The following PDE4D variants were observed in gnomAD, a reference collection of about 807,000 sequenced individuals.
The protein encoded by PDE4D is phosphodiesterase 4D.
A neutral mutation model predicts 87.4 loss-of-function variants in PDE4D; 24 were observed. The ratio of observed to expected loss-of-function variants is 0.27; its 90% CI spans 0.20 to 0.39. The LOEUF is 0.39. Ranked by LOEUF, PDE4D falls within the 10% of genes least tolerant of loss-of-function variation. The pLI is 1.00. For synonymous variants in PDE4D, 384 were observed against 383.2 expected, an observed-to-expected ratio of 1.00 and a Z score of -0.02; for missense variants, 714 against 1,041.0, an observed-to-expected ratio of 0.69 and a Z score of 4.32.
At chr5:59,586,664 C>T (rs1561271623) in intron 1 of PDE4D, 1 of 985,340 alleles carries the variant, frequency 1.0e-6, no homozygotes, top group Non-Finnish European at 1.2e-6. Context: ...ACCAGTTCAA[C>T]TAATAATCCT....
chr5:59,400,710 G>A (rs1339175031), intron 1 of PDE4D, among the ~76,000 whole-genome samples: 1 of 145,252 alleles, frequency 6.9e-6, no homozygotes, highest in Admixed American at 6.9e-5. Flanking sequence ...ATGTGCACAT[G>A]TACCCTAAAA....
intron 1 of PDE4D, among the ~76,000 whole-genome samples, chr5:59,414,050 A>G (rs1562141634): frequency 6.6e-6 from 1 of 152,236 alleles, no homozygotes; most frequent in Non-Finnish European, 1.5e-5. Flanking sequence ...TAGCAATCCA[A>G]ATGACAACAA....
At chr5:59,664,058 G>GC (rs1182375615) in intron 1 of PDE4D, among the ~76,000 whole-genome samples, 2 of 152,086 alleles carry the variant, frequency 1.3e-5, no homozygotes, top group Non-Finnish European at 2.9e-5. Flanking sequence ...TTAGAAACAG[G>GC]CCTAATATTG....
chr5:59,663,408 T>C (rs1745570394), intron 1 of PDE4D, among the ~76,000 whole-genome samples: 1 of 152,114 alleles, frequency 6.6e-6, no homozygotes, highest in African/African-American at 2.4e-5. Flanking sequence ...TGACTTCAGG[T>C]GATCCGCTTG....
At chr5:59,491,465 G>GATACAATGCTAATTAAGTAGCTACATC in intron 1 of PDE4D, among the ~76,000 whole-genome samples, 1 of 152,274 alleles carries the variant, frequency 6.6e-6, no homozygotes, top group East Asian at 1.9e-4. Context: ...AGTGGTGATT[G>GATACAATGCTAATTAAGTAGCTACATC]ATACAATGCT....
chr5:59,394,620 T>C (rs915340858), intron 1 of PDE4D, among the ~76,000 whole-genome samples: 5 of 152,190 alleles, frequency 3.3e-5, no homozygotes, highest in Non-Finnish European at 5.9e-5. Flanking sequence ...TTTATTACTA[T>C]TGGTGAAAAT....
intron 1 of PDE4D, among the ~76,000 whole-genome samples, chr5:59,306,337 C>A (rs558673976): frequency 6.6e-6 from 1 of 152,280 alleles, no homozygotes; most frequent in East Asian, 1.9e-4. Flanking sequence ...GAGTTCTTAT[C>A]CATTCTGCAG....
chr5:59,994,178 T>G (rs1435793931), intron 2 of PDE4D, among the ~76,000 whole-genome samples: 1 of 151,948 alleles, frequency 6.6e-6, no homozygotes, highest in African/African-American at 2.4e-5. Flanking sequence ...TGCACATTAC[T>G]AGGGTTAAAT....
At chr5:59,705,631 T>A (rs1753274087) in intron 1 of PDE4D, among the ~76,000 whole-genome samples, 2 of 152,202 alleles carry the variant, frequency 1.3e-5, no homozygotes, top group Non-Finnish European at 2.9e-5. Context: ...CTTACTTAAA[T>A]TAAGAAGACC....
chr5:59,492,635 C>T (rs1421898435), intron 1 of PDE4D, among the ~76,000 whole-genome samples: 1 of 152,084 alleles, frequency 6.6e-6, no homozygotes, highest in Non-Finnish European at 1.5e-5. Flanking sequence ...GCTAATTTTC[C>T]AGGGTACATG....
At chr5:59,309,117 C>T (rs916509859) in intron 1 of PDE4D, among the ~76,000 whole-genome samples, 6 of 152,160 alleles carry the variant, frequency 3.9e-5, no homozygotes, top group African/African-American at 1.4e-4. Context: ...CACCCTCTAA[C>T]AGCCTGAGTC....
chr5:59,792,553 G>A (rs1196378678), intron 1 of PDE4D, among the ~76,000 whole-genome samples: 5 of 152,058 alleles, frequency 3.3e-5, no homozygotes, highest in Non-Finnish European at 7.4e-5. Context: ...GATTATGGAT[G>A]GAAAATCCAG....
At chr5:60,416,635 G>GACACACTGCCTTTAAGAACTGTAACACTC (rs1742602911) in intron 1 of PDE4D, among the ~76,000 whole-genome samples, 3 of 152,140 alleles carry the variant, frequency 2.0e-5, no homozygotes. Flanking sequence ...ACAAACTCTG[G>GACACACTGCCTTTAAGAACTGTAACACTC]ACACACTGCC....
At position 59,808,582 on chromosome 5, in the gene PDE4D, TTG is replaced by T. The variant is rs147077089; in HGVS notation, c.455+84584_455+84585del. On this transcript the variant is annotated intron_variant, in intron 1 of 14. Coordinates refer to ENST00000340635, the MANE Select transcript of PDE4D (RefSeq NM_001104631.2). Reference sequence around the variant, plus strand: ...CCTGTTACATCTTGATCTATGACGTTTGTGTGTGTGTGTGTGTGTTTGTGTGT... The same window carrying T: ...CCTGTTACATCTTGATCTATGACGTTTGTGTGTGTGTGTGTGTTTGTGTGT... Among the ~76,000 whole-genome samples, 8 of 150,186 alleles carry T rather than the reference TTG, an allele frequency of 5.3e-5. No homozygotes were observed. The South Asian group carries it at 8.4e-4, about 16-fold the overall frequency.
At chr5:59,875,779 T>TA (rs1225328637) in intron 1 of PDE4D, among the ~76,000 whole-genome samples, 2 of 152,000 alleles carry the variant, frequency 1.3e-5, no homozygotes, top group Non-Finnish European at 2.9e-5. Context: ...GCATTAGCCA[T>TA]AAAAAAAGAA....
chr5:59,585,027 GGCT>G (rs1171559223), intron 1 of PDE4D, among the ~76,000 whole-genome samples: 1 of 152,146 alleles, frequency 6.6e-6, no homozygotes, highest in African/African-American at 2.4e-5. Flanking sequence ...ATGGCACCAA[GGCT>G]CCCCCTGACT....
chr5:60,333,558 C>T (rs1429098017), intron 1 of PDE4D, among the ~76,000 whole-genome samples: 1 of 152,140 alleles, frequency 6.6e-6, no homozygotes, highest in Non-Finnish European at 1.5e-5. Context: ...AAATATGGTT[C>T]CAACTCTGTG....
chr5:59,998,700 C>T lies in PDE4D; in HGVS notation c.43-9983G>A, dbSNP rs565768819. ...CATGTTATAAAATATAACATGGTTA[C>T]GGTCTTGCTCTAATACATATAAAAT... On this transcript the variant is annotated intron_variant, in intron 2 of 16. Transcript: ENST00000502484. Among the ~76,000 whole-genome samples the T allele has an allele frequency of 6.6e-5, 10 of 151,974 alleles. No homozygotes were observed. In the South Asian group the frequency reaches 1.0e-3, roughly 16 times the overall value.
At chr5:59,674,471 A>T (rs1234152401) in intron 1 of PDE4D, among the ~76,000 whole-genome samples, 1 of 152,176 alleles carries the variant, frequency 6.6e-6, no homozygotes, top group East Asian at 1.9e-4. Flanking sequence ...GTCTGTCTCT[A>T]AAATCATTAT....
Sources: allele counts gnomAD v4.1 joint callset (sites outside exome capture counted in the v4.1 genomes callset), GRCh38; gene constraint gnomAD v4.1.1; transcripts MANE v1.5; gene names NCBI Gene and HGNC (gene_info 2026-07-23, HGNC 2026-07-21).